COA1: variants seen among roughly 807,000 people sequenced by gnomAD.
COA1 encodes cytochrome c oxidase assembly factor 1 homolog.
COA1 carries 13 observed loss-of-function variants against 16.0 expected under a neutral mutation model. The observed-to-expected ratio is 0.81, with a 90% CI of 0.53 to 1.29. The LOEUF (loss-of-function observed/expected upper bound fraction) is 1.29. COA1 is among the 50% of genes most tolerant of loss of function. COA1 has a pLI of 0.00. For missense variants in COA1, 179 were observed against 177.0 expected (o/e 1.01, Z -0.06); for synonymous variants, 65 against 65.7 (o/e 0.99, Z 0.05).
At chr7:43,719,243 T>C (rs913240896) in intron 1 of COA1, among the ~76,000 whole-genome samples, 2 of 152,094 alleles carry the variant, frequency 1.3e-5, no homozygotes, top group African/African-American at 2.4e-5. Flanking sequence ...GCTGGGATTA[T>C]AGGCATGAGC....
chr7:43,655,303 A>G (rs1341344660), intron 1 of COA1, among the ~76,000 whole-genome samples: 2 of 152,186 alleles, frequency 1.3e-5, no homozygotes, highest in Non-Finnish European at 2.9e-5. Context: ...AGCCGGGCAT[A>G]GTGGCATAGT....
chr7:43,708,745 C>A (rs984417442), intron 1 of COA1, among the ~76,000 whole-genome samples: 1 of 151,836 alleles, frequency 6.6e-6, no homozygotes, highest in Non-Finnish European at 1.5e-5. Context: ...CTTTTTCTCT[C>A]TTATCTTTTA....
rs1056854423 is a variant in COA1 at position 43,647,344 on chromosome 7, G to T, written c.115+191C>A. ...AGTCCTGGTCCTTTTATTTGTACTCGTTGCTCCTGGAAAAACTGAGATTAC... is the reference window on the plus strand; with the variant it reads ...AGTCCTGGTCCTTTTATTTGTACTCTTTGCTCCTGGAAAAACTGAGATTAC... On this transcript the variant is annotated intron_variant, in intron 3 of 5. Coordinates refer to ENST00000223336, the MANE Select transcript of COA1 (RefSeq NM_018224.4). 3 of 601,176 alleles carry T rather than the reference G, an allele frequency of 5.0e-6. No homozygotes were observed. In the African/African-American group the frequency reaches 5.6e-5, roughly 11 times the overall value. The allele number at this position is 601,176 out of a possible 1,614,324, so 37.2% of individuals were successfully genotyped here. A position where few individuals can be genotyped will look rare whatever the true frequency, so the allele number is the denominator to read the frequency against.
At chr7:43,705,403 T>C (rs2094930707) in intron 1 of COA1, among the ~76,000 whole-genome samples, 3 of 152,194 alleles carry the variant, frequency 2.0e-5, no homozygotes, top group Admixed American at 2.0e-4. Flanking sequence ...CTGGGTCCAT[T>C]TGCAAAAGCA....
At chr7:43,645,537 C>T in intron 3 of COA1, 138 bp from the exon 4 acceptor site, 2 of 739,514 alleles carry the variant, frequency 2.7e-6, no homozygotes, top group Non-Finnish European at 4.4e-6. Context: ...ATAATTAAGG[C>T]CATCTACTCT....
Position 43,645,272 on chromosome 7 carries a change from G to T in COA1, c.243C>A (p.Phe81Leu), listed in dbSNP as rs760230084. 6.2e-7 allele frequency: 1 copy of T among 1,613,956 alleles called. No homozygotes were observed. The change falls in exon 4 of 6, where the codon TTC becomes TTA. Residue 81 changes from phenylalanine (F) to leucine (L), a missense_variant. Phe to Leu is a conservative substitution (Grantham distance 22). Transcript: ENST00000223336. ...HYLKLIDRENFVDIVDAKLKI... is the reference protein window; with the variant it reads ...HYLKLIDRENLVDIVDAKLKI... ...TTACCTTGGCATCAACAATGTCCAC[G>T]AAGTTTTCCCTGTCGATGAGCTTGA...
chr7:43,672,053 T>C (rs1009848999), intron 1 of COA1, among the ~76,000 whole-genome samples: 8 of 152,290 alleles, frequency 5.3e-5, no homozygotes, highest in African/African-American at 1.4e-4. Flanking sequence ...AACCAGAATC[T>C]GTAAGAAATT....
At chr7:43,676,729 T>TTACACATTG (rs1179155671) in intron 1 of COA1, among the ~76,000 whole-genome samples, 2 of 152,274 alleles carry the variant, frequency 1.3e-5, no homozygotes, top group East Asian at 3.9e-4. Flanking sequence ...GGCTTGATCA[T>TTACACATTG]TACACATTGT....
intron 1 of COA1, among the ~76,000 whole-genome samples, chr7:43,727,502 G>A (rs2095640575): frequency 6.6e-6 from 1 of 152,116 alleles, no homozygotes; most frequent in Non-Finnish European, 1.5e-5. Context: ...ATAAATCGTG[G>A]TAATACCCAT....
chr7:43,649,503 A>C (rs2090321649), intron 1 of COA1: 1 of 152,278 alleles, frequency 6.6e-6, no homozygotes, highest in African/African-American at 2.4e-5. Context: ...AGGTGGATAC[A>C]TATTTGTACC....
intron 1 of COA1, among the ~76,000 whole-genome samples, chr7:43,709,887 T>C (rs1167286625): frequency 1.3e-5 from 2 of 152,190 alleles, no homozygotes; most frequent in African/African-American, 4.8e-5. Flanking sequence ...CCTGAGGGCC[T>C]AAGACTGCAA....
At chr7:43,696,637 G>GGT (rs1223756970) in intron 1 of COA1, among the ~76,000 whole-genome samples, 6 of 151,874 alleles carry the variant, frequency 4.0e-5, no homozygotes, top group African/African-American at 1.5e-4. Flanking sequence ...AAGGTATGAT[G>GGT]GTGTGTGTGT....
At chr7:43,654,046 C>T (rs548418398) in intron 1 of COA1, among the ~76,000 whole-genome samples, 9 of 152,196 alleles carry the variant, frequency 5.9e-5, no homozygotes, top group South Asian at 2.1e-4. Context: ...TTCCACTAAC[C>T]ACAATGTAAG....
intron 1 of COA1, among the ~76,000 whole-genome samples, chr7:43,693,529 G>A (rs1563393353): frequency 6.6e-6 from 1 of 151,860 alleles, no homozygotes; most frequent in Non-Finnish European, 1.5e-5. Context: ...TCAATTTCTA[G>A]CATCCCACTC....
At chr7:43,623,034 C>T (rs1288690151) in intron 6 of COA1, 1 of 152,816 alleles carries the variant, frequency 6.5e-6, no homozygotes, top group East Asian at 1.9e-4. Context: ...TTGCCTTTGT[C>T]CCATGCCTGT....
chr7:43,729,481 C>T lies in COA1; in HGVS notation c.-91G>A, dbSNP rs989480953. The T allele has an allele frequency of 2.6e-5, 4 of 152,334 alleles. No individual in the cohort carries two copies. Among genetic ancestry groups the T allele is most frequent in the East Asian group, 3.8e-4 (2 of 5,204 alleles). The allele number at this position is 152,334 out of a possible 1,614,324, so 9.4% of individuals were successfully genotyped here. Reference sequence around the variant, plus strand: ...AAAGAGCATGACGAGTTCTTCCAGGCTTGGGAAAGCACGGGTAAATGCCCG... The same window carrying T: ...AAAGAGCATGACGAGTTCTTCCAGGTTTGGGAAAGCACGGGTAAATGCCCG... On this transcript the variant is annotated 5_prime_UTR_variant, in exon 1 of 6. Transcript: ENST00000223336.
intron 1 of COA1, among the ~76,000 whole-genome samples, chr7:43,707,027 G>A (rs1020338161): frequency 3.9e-5 from 6 of 152,030 alleles, no homozygotes; most frequent in African/African-American, 7.2e-5. Context: ...AAAATTAGCC[G>A]GGCATGGTGG....
At chr7:43,708,099 G>A (rs1242824440) in intron 1 of COA1, among the ~76,000 whole-genome samples, 2 of 152,180 alleles carry the variant, frequency 1.3e-5, no homozygotes, top group African/African-American at 2.4e-5. Context: ...AGCTACTCAG[G>A]AGCCTGAGGC....
chr7:43,645,187 A>C, intron 4 of COA1, 64 bp downstream of exon 4: 2 of 1,523,398 alleles, frequency 1.3e-6, no homozygotes, highest in Non-Finnish European at 1.8e-6. Flanking sequence ...ACTTTCCAGG[A>C]GACAGTAGAC....
Sources: gnomAD v4.1 joint callset for allele counts (sites outside exome capture counted in the v4.1 genomes callset) on GRCh38, gnomAD v4.1.1 for gene constraint, MANE v1.5 for transcripts, NCBI Gene and HGNC (gene_info 2026-07-23, HGNC 2026-07-21) for gene names.